The following SYN2 variants were observed in gnomAD, a reference collection of about 807,000 sequenced individuals.
SYN2 encodes synapsin-2.
In SYN2, 19 loss-of-function variants were observed where a neutral mutation model predicts 50.9. The ratio of observed to expected loss-of-function variants is 0.37; its 90% CI spans 0.26 to 0.55. The LOEUF (loss-of-function observed/expected upper bound fraction) is 0.55. Ranked by LOEUF, SYN2 falls within the 20% of genes least tolerant of loss-of-function variation. SYN2 has a pLI of 0.81. For missense variants in SYN2, 587 were observed against 576.4 expected (o/e 1.02, Z -0.19); for synonymous variants, 255 against 224.9 (o/e 1.13, Z -1.20).
intron 1 of SYN2, among the ~76,000 whole-genome samples, chr3:12,045,722 G>T (rs1276801387): frequency 6.6e-6 from 1 of 152,106 alleles, no homozygotes; most frequent in Non-Finnish European, 1.5e-5. Flanking sequence ...AGTGCTCATG[G>T]CGAACTGATT....
At chr3:12,145,094 C>A (rs1397141878) in intron 3 of SYN2, among the ~76,000 whole-genome samples, 1 of 151,916 alleles carries the variant, frequency 6.6e-6, no homozygotes, top group Non-Finnish European at 1.5e-5. Flanking sequence ...TCCCATTTCC[C>A]AGTCCAGAAA....
intron 4 of SYN2, among the ~76,000 whole-genome samples, chr3:12,146,061 A>C (rs1697143223): frequency 6.6e-6 from 1 of 152,228 alleles, no homozygotes; most frequent in African/African-American, 2.4e-5. Context: ...ATAGCACAGC[A>C]TCACCTGTCA....
intron 5 of SYN2, among the ~76,000 whole-genome samples, chr3:12,159,611 A>G (rs17035957): frequency 0.047 from 7,151 of 152,202 alleles, 246 homozygotes; most frequent in East Asian, 0.12. Flanking sequence ...TTGGTGTACA[A>G]AACACAAAGT....
chr3:12,026,138 T>C (rs1304610728), intron 1 of SYN2, among the ~76,000 whole-genome samples: 3 of 152,208 alleles, frequency 2.0e-5, no homozygotes, highest in South Asian at 2.1e-4. Flanking sequence ...TGGACCCTCC[T>C]CATGGCCTAC....
At chr3:12,132,854 G>A (rs917724030) in intron 1 of SYN2, among the ~76,000 whole-genome samples, 1 of 152,102 alleles carries the variant, frequency 6.6e-6, no homozygotes, top group African/African-American at 2.4e-5. Context: ...CAGCTCACAG[G>A]ACTGTCTTCA....
intron 1 of SYN2, among the ~76,000 whole-genome samples, chr3:12,134,644 C>T (rs991230154): frequency 6.6e-6 from 1 of 152,214 alleles, no homozygotes; most frequent in African/African-American, 2.4e-5. Flanking sequence ...GCAGTTGATA[C>T]CCTGAATTAT....
chr3:12,090,936 T>A (rs9826746), intron 1 of SYN2, among the ~76,000 whole-genome samples: 12,507 of 152,200 alleles, frequency 0.082, 910 homozygotes, highest in East Asian at 0.19. Context: ...CTCATGTAAA[T>A]TTGGCATTCT....
intron 1 of SYN2, among the ~76,000 whole-genome samples, chr3:12,092,694 G>A (rs1350112850): frequency 6.6e-6 from 1 of 152,128 alleles, no homozygotes; most frequent in African/African-American, 2.4e-5. Flanking sequence ...GTCAAAGACT[G>A]TGTTTCATAT....
At chr3:12,008,310 A>G (rs1693840420) in intron 1 of SYN2, among the ~76,000 whole-genome samples, 1 of 152,232 alleles carries the variant, frequency 6.6e-6, no homozygotes, top group South Asian at 2.1e-4. Context: ...GGCAACAGAT[A>G]TTTATGAAGC....
chr3:12,032,427 T>C (rs1305170951), intron 1 of SYN2, among the ~76,000 whole-genome samples: 1 of 69,232 alleles, frequency 1.4e-5, no homozygotes, highest in Non-Finnish European at 2.7e-5. Context: ...AACGTTGGCC[T>C]GCCTTGCTAG....
chr3:12,077,665 C>T, intron 1 of SYN2, among the ~76,000 whole-genome samples: 1 of 152,186 alleles, frequency 6.6e-6, no homozygotes, highest in Middle Eastern at 3.4e-3. Flanking sequence ...CCTTTCTATG[C>T]TTGCATAGTA....
intron 1 of SYN2, among the ~76,000 whole-genome samples, chr3:12,093,679 T>C (rs1002095129): frequency 3.3e-5 from 5 of 152,190 alleles, no homozygotes; most frequent in Non-Finnish European, 7.3e-5. Context: ...TCACTGACTT[T>C]GAGCATGTTA....
At chr3:12,091,283 C>T (rs1473714613) in intron 1 of SYN2, among the ~76,000 whole-genome samples, 1 of 151,986 alleles carries the variant, frequency 6.6e-6, no homozygotes, top group Admixed American at 6.6e-5. Context: ...TCTCATTACT[C>T]TTATTTAAGG....
At chr3:12,174,952 T>G (rs1366102965) in intron 10 of SYN2, among the ~76,000 whole-genome samples, 4 of 152,190 alleles carry the variant, frequency 2.6e-5, no homozygotes, top group Non-Finnish European at 5.9e-5. Context: ...AATGTAAGGT[T>G]CTCAAGAGTA....
At chr3:12,027,814 A>G (rs1342834371) in intron 1 of SYN2, among the ~76,000 whole-genome samples, 1 of 152,054 alleles carries the variant, frequency 6.6e-6, no homozygotes, top group Non-Finnish European at 1.5e-5. Context: ...TGCTATTAAT[A>G]TTTCATGGCC....
At chr3:12,098,157 A>C (rs940804618) in intron 1 of SYN2, among the ~76,000 whole-genome samples, 3 of 152,198 alleles carry the variant, frequency 2.0e-5, no homozygotes, top group African/African-American at 7.2e-5. Flanking sequence ...CATCATGTAG[A>C]AGAGATCTTA....
chr3:12,065,773 G>A (rs773348648), intron 1 of SYN2, among the ~76,000 whole-genome samples: 8 of 152,052 alleles, frequency 5.3e-5, no homozygotes, highest in Non-Finnish European at 1.0e-4. Context: ...CCTGGGTGAC[G>A]GAATCAATCA....
chr3:12,115,481 G>T (rs544538674), intron 1 of SYN2, among the ~76,000 whole-genome samples: 2 of 152,296 alleles, frequency 1.3e-5, no homozygotes, highest in East Asian at 3.9e-4. Flanking sequence ...TGCCAAGAAA[G>T]TTGGCTGTGA....
At chr3:12,168,499 A>G (rs1331661067) in intron 9 of SYN2, 21 bp downstream of exon 9, 1 of 1,598,724 alleles carries the variant, frequency 6.3e-7, no homozygotes, top group South Asian at 1.1e-5. Context: ...ACCAAGCAGT[A>G]AGAGGTAACT....
Sources: allele counts gnomAD v4.1 joint callset (sites outside exome capture counted in the v4.1 genomes callset), GRCh38; gene constraint gnomAD v4.1.1; transcripts MANE v1.5; gene names NCBI Gene and HGNC (gene_info 2026-07-23, HGNC 2026-07-21).